Variants in PRKG1 observed in about 807,000 individuals in gnomAD.
The protein encoded by PRKG1 is cGMP-dependent protein kinase 1.
A neutral mutation model predicts 88.1 loss-of-function variants in PRKG1; 35 were observed. That is an observed-to-expected ratio of 0.40 (90% CI 0.30 to 0.53). The LOEUF is 0.53. Among genes scored for constraint, PRKG1 ranks in the 20% least tolerant of loss-of-function variants. The pLI is 0.59. For missense variants in PRKG1, 540 were observed against 839.8 expected, an observed-to-expected ratio of 0.64 and a Z score of 4.41; for synonymous variants, 303 against 292.5, an observed-to-expected ratio of 1.04 and a Z score of -0.37.
At chr10:51,176,927 G>T (rs9415774) in intron 2 of PRKG1, among the ~76,000 whole-genome samples, 9,978 of 152,108 alleles carry the variant, frequency 0.066, 678 homozygotes, top group African/African-American at 0.17. Context: ...ATATATAAAT[G>T]TTCCACTGGG....
At chr10:51,917,263 G>A (rs958816674) in intron 5 of PRKG1, among the ~76,000 whole-genome samples, 5 of 150,936 alleles carry the variant, frequency 3.3e-5, no homozygotes, top group South Asian at 2.1e-4. Context: ...AGGTTGCAGC[G>A]GGCCAAGATC....
Position 52,017,815 on chromosome 10 carries a change from T to C in PRKG1, c.763-36669T>C, listed in dbSNP as rs115682893. On this transcript the variant is annotated intron_variant, in intron 5 of 17. Transcript: ENST00000373980. The stretch of plus-strand genomic sequence containing the variant: ...GAAAGTGGCACAATTTCAGGAAACT[T>C]TACAAGACCCCTGTTGTAATTTATC... 4.4e-3 allele frequency among the ~76,000 whole-genome samples: 666 copies of C among 152,256 alleles called. 7 individuals are homozygous for C. Among genetic ancestry groups the C allele is most frequent in the African/African-American group, 0.015 (639 of 41,534 alleles).
intron 4 of PRKG1, among the ~76,000 whole-genome samples, chr10:51,868,341 G>A (rs1185417160): frequency 3.9e-5 from 6 of 152,032 alleles, no homozygotes; most frequent in African/African-American, 1.5e-4. Flanking sequence ...TGGAGGTGGG[G>A]GAAAATAAGG....
chr10:52,040,592 G>C (rs866351377), intron 5 of PRKG1, among the ~76,000 whole-genome samples: 1 of 152,114 alleles, frequency 6.6e-6, no homozygotes, highest in Non-Finnish European at 1.5e-5. Context: ...TATTATGTTA[G>C]TATATTTGCA....
chr10:52,085,178 C>A (rs1315444230), intron 7 of PRKG1, among the ~76,000 whole-genome samples: 1 of 151,996 alleles, frequency 6.6e-6, no homozygotes, highest in African/African-American at 2.4e-5. Flanking sequence ...AACCTTTTCC[C>A]TTGCAACTAA....
At chr10:51,408,561 C>G (rs761462501) in intron 2 of PRKG1, among the ~76,000 whole-genome samples, 9 of 152,194 alleles carry the variant, frequency 5.9e-5, no homozygotes, top group Non-Finnish European at 1.0e-4. Flanking sequence ...TCAATATAAT[C>G]AACCTGCCAC....
intron 1 of PRKG1, among the ~76,000 whole-genome samples, chr10:51,029,783 A>G (rs966118116): frequency 2.0e-5 from 3 of 152,178 alleles, no homozygotes; most frequent in Non-Finnish European, 4.4e-5. Context: ...ATATGAGTGC[A>G]AAACATTACA....
intron 2 of PRKG1, among the ~76,000 whole-genome samples, chr10:51,361,628 T>A (rs1225998126): frequency 2.0e-5 from 3 of 151,832 alleles, no homozygotes; most frequent in Non-Finnish European, 4.4e-5. Context: ...GTTATCTAGG[T>A]TAAACCTATC....
intron 1 of PRKG1, among the ~76,000 whole-genome samples, chr10:51,111,329 T>C (rs1320798235): frequency 6.6e-6 from 1 of 152,164 alleles, no homozygotes; most frequent in Non-Finnish European, 1.5e-5. Context: ...ATACATGAGA[T>C]GTTTTGATAC....
chr10:51,053,444 T>G (rs1843590183), intron 1 of PRKG1, among the ~76,000 whole-genome samples: 1 of 152,118 alleles, frequency 6.6e-6, no homozygotes, highest in South Asian at 2.1e-4. Context: ...TCTGTATGGT[T>G]GGCCCTTTTT....
Position 51,706,777 on chromosome 10 carries a change from G to A in PRKG1, c.593-97808G>A, listed in dbSNP as rs918035992. Reference sequence around the variant, plus strand: ...TTTGTGGCATTGTACAAATTACTTCGCCTCTCTGTGGTTCCATTTCCACAT... The same window carrying A: ...TTTGTGGCATTGTACAAATTACTTCACCTCTCTGTGGTTCCATTTCCACAT... On this transcript the variant is annotated intron_variant, in intron 3 of 17. Coordinates refer to ENST00000373980, the MANE Select transcript of PRKG1 (RefSeq NM_006258.4). Among the ~76,000 whole-genome samples the A allele has an allele frequency of 2.6e-5, 4 of 152,038 alleles. No individual in the cohort carries two copies. The East Asian group carries it at 5.8e-4, about 22-fold the overall frequency.
intron 3 of PRKG1, among the ~76,000 whole-genome samples, chr10:51,624,224 A>G (rs1270907632): frequency 6.6e-6 from 1 of 152,176 alleles, no homozygotes; most frequent in East Asian, 1.9e-4. Context: ...GCTAGCAGTA[A>G]TGATTGACAA....
chr10:50,999,858 C>T (rs1453310942), intron 1 of PRKG1, among the ~76,000 whole-genome samples: 1 of 152,142 alleles, frequency 6.6e-6, no homozygotes, highest in Non-Finnish European at 1.5e-5. Context: ...GTTGTAAACC[C>T]TTGGGTAGAA....
rs1838363098 is a variant in PRKG1 at position 51,593,459 on chromosome 10, G to T, written c.592+125623G>T. Among the ~76,000 whole-genome samples the T allele has an allele frequency of 3.3e-5, 5 of 152,296 alleles. No individual in the cohort carries two copies. In the South Asian group the frequency reaches 1.0e-3, roughly 32 times the overall value. On this transcript the variant is annotated intron_variant, in intron 3 of 17. Coordinates refer to ENST00000373980, the MANE Select transcript of PRKG1 (RefSeq NM_006258.4). ...GTCCATCATGGCCATTACTGATTAT[G>T]AAACTAATTAGTGTTGAGTGCATGC... is the stretch of plus-strand genomic sequence containing the variant.
intron 2 of PRKG1, among the ~76,000 whole-genome samples, chr10:51,308,300 G>T (rs922928246): frequency 2.0e-5 from 3 of 152,114 alleles, no homozygotes; most frequent in Non-Finnish European, 4.4e-5. Flanking sequence ...CTAGAAACAG[G>T]TCTCTGCCTG....
At chr10:52,151,853 T>A (rs1837936505) in intron 8 of PRKG1, among the ~76,000 whole-genome samples, 1 of 152,198 alleles carries the variant, frequency 6.6e-6, no homozygotes, top group African/African-American at 2.4e-5. Flanking sequence ...ATGAAAGTCA[T>A]GCTACATTTT....
intron 3 of PRKG1, among the ~76,000 whole-genome samples, chr10:51,590,057 C>T (rs1191570571): frequency 6.6e-6 from 1 of 152,086 alleles, no homozygotes; most frequent in African/African-American, 2.4e-5. Context: ...TCATTAAGAG[C>T]TTGTGTTTGT....
At chr10:51,071,146 G>GT (rs1174481591), upstream of PRKG1, among the ~76,000 whole-genome samples, 1 of 152,168 alleles carries the variant, frequency 6.6e-6, no homozygotes, top group Non-Finnish European at 1.5e-5. Flanking sequence ...CTGTTAAGAC[G>GT]TAATTGCAGG....
intron 4 of PRKG1, among the ~76,000 whole-genome samples, chr10:51,866,455 G>T (rs1346801658): frequency 1.3e-5 from 2 of 151,992 alleles, no homozygotes; most frequent in Admixed American, 6.6e-5. Context: ...TATAACATCA[G>T]ATAGGAATGA....
Sources: gnomAD v4.1 joint callset for allele counts (sites outside exome capture counted in the v4.1 genomes callset) on GRCh38, gnomAD v4.1.1 for gene constraint, MANE v1.5 for transcripts, NCBI Gene and HGNC (gene_info 2026-07-23, HGNC 2026-07-21) for gene names.